SLC35A2: variants seen among roughly 807,000 people sequenced by gnomAD.
SLC35A2 encodes the protein solute carrier family 35 member A2, also known as UDP-galactose translocator.
In SLC35A2, 1 loss-of-function variant was observed where a neutral mutation model predicts 17.3. The ratio of observed to expected loss-of-function variants is 0.06; its 90% CI spans 0.02 to 0.27. The LOEUF (loss-of-function observed/expected upper bound fraction) is 0.27. Among genes scored for constraint, SLC35A2 ranks in the 10% least tolerant of loss-of-function variants. The probability of loss-of-function intolerance (pLI) is 1.00; values close to 1 mark genes in which losing one functional copy is unlikely to be tolerated. For missense variants in SLC35A2, 191 were observed against 339.3 expected (o/e 0.56, Z 3.43); for synonymous variants, 161 against 161.3 (o/e 1.00, Z 0.01).
chrX:48,910,374 T>C (rs782115489), intron 1 of SLC35A2: 20 of 828,310 alleles, frequency 2.4e-5, no homozygotes, highest in Non-Finnish European at 3.1e-5. Context: ...GTGTTTACTG[T>C]ATGCCTATCA....
rs782206039 is a variant in SLC35A2 at position 48,906,539 on chromosome X, G to A, written c.279C>T (p.Asn93=). 22 of 1,209,309 alleles carry A rather than the reference G, an allele frequency of 1.8e-5. No homozygotes were observed. The highest frequency in any genetic ancestry group is 1.5e-4 in the East Asian group (5 of 33,776). ...LLLLFAQKRG[N]VKHLVLFLHE... is the part of the protein sequence containing the mutation. ...GGAGGAAGAGAACCAGGTGCTTCACGTTACCTAGGTGGGAGGAGGAGAGCC... is the reference window on the plus strand; with the variant it reads ...GGAGGAAGAGAACCAGGTGCTTCACATTACCTAGGTGGGAGGAGGAGAGCC... The change falls in exon 3 of 5, where the codon AAC becomes AAT. Residue 93 remains asparagine (N), a synonymous_variant. Transcript: ENST00000247138.
intron 2 of SLC35A2, 100 bp from the exon 3 acceptor site, chrX:48,906,643 C>T: frequency 1.3e-6 from 1 of 744,637 alleles, no homozygotes; most frequent in Admixed American, 2.6e-5. Context: ...CCCCCATCCA[C>T]CCTGCTGTCC....
intron 2 of SLC35A2, among the ~76,000 whole-genome samples, chrX:48,908,397 T>C (rs2063507906): frequency 9.0e-6 from 1 of 111,191 alleles, no homozygotes; most frequent in Admixed American, 9.6e-5. Context: ...ATTACAGACG[T>C]GAGCAACCAC....
At chrX:48,908,491 C>T (rs1279328161) in intron 2 of SLC35A2, among the ~76,000 whole-genome samples, 3 of 111,151 alleles carry the variant, frequency 2.7e-5, no homozygotes, top group African/African-American at 9.8e-5. Context: ...CAAGGTTGTC[C>T]CAGGAACTCC....
intron 2 of SLC35A2, among the ~76,000 whole-genome samples, chrX:48,908,413 G>T (rs782216771): frequency 9.0e-6 from 1 of 111,176 alleles, no homozygotes; most frequent in East Asian, 2.8e-4. Context: ...ACCACGCCCA[G>T]CCAGCAGTTC....
chrX:48,908,119 G>A (rs1245219401), intron 2 of SLC35A2, among the ~76,000 whole-genome samples: 2 of 104,151 alleles, frequency 1.9e-5, no homozygotes, highest in Non-Finnish European at 4.0e-5. Context: ...TTTTTTTGGC[G>A]GGGCGGGGTG....
In SLC35A2 at chrX:48,903,201, T is replaced by G; in HGVS notation, c.*237A>C. The G allele has an allele frequency of 9.0e-7, 1 of 1,114,140 alleles. No individual in the cohort carries two copies. Among genetic ancestry groups the G allele is most frequent in the Non-Finnish European group, 1.2e-6 (1 of 825,519 alleles). 91.8% of individuals were successfully genotyped at this position (1,114,140 alleles called of 1,213,427 possible). On this transcript the variant is annotated 3_prime_UTR_variant, in exon 5 of 5. Transcript: ENST00000247138. ...CAAGTCGGCAAGATACACAACACAT[T>G]TTATTTGCAAAAACTCAGCTAAGAG... is the stretch of plus-strand genomic sequence containing the variant.
upstream of SLC35A2, chrX:48,911,890 G>A: frequency 8.6e-7 from 1 of 1,167,137 alleles, no homozygotes; most frequent in African/African-American, 1.8e-5. Context: ...GCCCATTCCT[G>A]TCACTAGACC....
rs782072163 is a variant in SLC35A2, at chrX:48,903,250, G to C, written c.*188C>G. ...AGATAGTGTGGAGCTGGCAGGGGCT[G>C]GGGGGCTGAGCTGAGGTGGGTCATG... On this transcript the variant is annotated 3_prime_UTR_variant, in exon 5 of 5. Coordinates refer to ENST00000247138, the MANE Select transcript of SLC35A2 (RefSeq NM_005660.3). 14 of 930,646 alleles carry C rather than the reference G, an allele frequency of 1.5e-5. No individual in the cohort carries two copies. Among genetic ancestry groups the C allele is most frequent in the Non-Finnish European group, 2.1e-5 (14 of 661,000 alleles). 76.7% of individuals were successfully genotyped at this position (930,646 alleles called of 1,213,427 possible).
intron 2 of SLC35A2, among the ~76,000 whole-genome samples, chrX:48,907,820 G>A (rs2063502260): frequency 9.0e-6 from 1 of 110,923 alleles, no homozygotes; most frequent in South Asian, 3.8e-4. Flanking sequence ...TCAGGAGTTC[G>A]AGACCAGGCT....
In SLC35A2 at chrX:48,910,229, C is replaced by T. The variant is rs190055560; in HGVS notation, c.92-233G>A. The T allele has an allele frequency of 2.7e-4, 300 of 1,130,482 alleles. 4 individuals carry two copies. In the Admixed American group the frequency reaches 7.1e-3, roughly 27 times the overall value. The allele number at this position is 1,130,482 out of a possible 1,213,427, so 93.2% of individuals were successfully genotyped here. On this transcript the variant is annotated intron_variant, in intron 1 of 4. Coordinates refer to ENST00000247138, the MANE Select transcript of SLC35A2 (RefSeq NM_005660.3). ...AAATGGGCCCCACCCTGTCCCAGTC[C>T]ATACCTGGAATCCTTACTGAGGTGT...
rs142990922 is a variant in SLC35A2, at chrX:48,909,891, A to G, written c.197T>C (p.Phe66Ser). Residue 66 changes from phenylalanine to serine, a missense_variant, in exon 2 of 5, where the codon TTT becomes TCT. Phe to Ser is a radical substitution (Grantham distance 155). Coordinates refer to ENST00000247138, the MANE Select transcript of SLC35A2 (RefSeq NM_005660.3). ...YARTLPGDRF[F>S]ATTAVVMAEV... ...CGCCATGACCACAGCAGTGGTGGCA[A>G]AGAAGCGGTCCCCTGGCAACGTGCG... 5.0e-6 allele frequency: 6 copies of G among 1,209,065 alleles called. No homozygotes were observed. The African/African-American group carries it at 8.7e-5, about 18-fold the overall frequency.
At chrX:48,907,430 G>C (rs1484794186) in intron 2 of SLC35A2, among the ~76,000 whole-genome samples, 3 of 110,138 alleles carry the variant, frequency 2.7e-5, no homozygotes, top group African/African-American at 9.9e-5. Context: ...TGTATCTTTA[G>C]TAGAGATGGG....
chrX:48,911,692 T>C, upstream of SLC35A2: 1 of 1,153,566 alleles, frequency 8.7e-7, no homozygotes, highest in Non-Finnish European at 1.2e-6. Context: ...TCCGCGTTCG[T>C]CACTTCCGCT....
chrX:48,907,487 T>C (rs1040482547), intron 2 of SLC35A2, among the ~76,000 whole-genome samples: 7 of 111,253 alleles, frequency 6.3e-5, no homozygotes, highest in Admixed American at 1.9e-4. Context: ...GACCTCGTGA[T>C]CCGCCTACCT....
intron 1 of SLC35A2, chrX:48,910,207 T>C: frequency 1.9e-6 from 2 of 1,075,153 alleles, no homozygotes; most frequent in Non-Finnish European, 1.3e-6. Flanking sequence ...AAGGGAGAAA[T>C]GGGCCCCACC....
At chrX:48,911,901 C>T, upstream of SLC35A2, 2 of 1,167,605 alleles carry the variant, frequency 1.7e-6, no homozygotes, top group Non-Finnish European at 2.3e-6. Flanking sequence ...TCACTAGACC[C>T]GCCTTATCCT....
intron 2 of SLC35A2, 92 bp from the exon 3 acceptor site, chrX:48,906,635 C>T: frequency 2.5e-6 from 2 of 804,840 alleles, no homozygotes; most frequent in Non-Finnish European, 3.7e-6. Flanking sequence ...CTGTGACTCC[C>T]CCATCCACCC....
chrX:48,908,408 G>A (rs1172654004), intron 2 of SLC35A2, among the ~76,000 whole-genome samples: 1 of 110,925 alleles, frequency 9.0e-6, no homozygotes, highest in Non-Finnish European at 1.9e-5. Flanking sequence ...GAGCAACCAC[G>A]CCCAGCCAGC....
Sources: allele counts gnomAD v4.1 joint callset (sites outside exome capture counted in the v4.1 genomes callset), GRCh38; gene constraint gnomAD v4.1.1; transcripts MANE v1.5; gene names NCBI Gene and HGNC (gene_info 2026-07-23, HGNC 2026-07-21).